PHLPP2: variants seen among roughly 807,000 people sequenced by gnomAD.
PHLPP2 encodes the protein PH domain and leucine rich repeat protein phosphatase 2, also known as PH domain leucine-rich repeat-containing protein phosphatase 2.
In PHLPP2, 66 loss-of-function variants were observed where a neutral mutation model predicts 124.9. The ratio of observed to expected loss-of-function variants is 0.53; its 90% CI spans 0.43 to 0.65. The LOEUF (loss-of-function observed/expected upper bound fraction) is 0.65, where lower values mean the gene tolerates loss of function less well. PHLPP2 is among the 30% of genes least tolerant of loss of function. The probability of loss-of-function intolerance (pLI) is 0.00; values close to 1 mark genes in which losing one functional copy is unlikely to be tolerated. For synonymous variants in PHLPP2, 681 were observed against 624.7 expected (o/e 1.09, Z -1.34); for missense variants, 1,685 against 1,600.4 (o/e 1.05, Z -0.90).
At chr16:71,694,983 C>G (rs2045154414) in intron 3 of PHLPP2, among the ~76,000 whole-genome samples, 1 of 152,014 alleles carries the variant, frequency 6.6e-6, no homozygotes, top group South Asian at 2.1e-4. Flanking sequence ...GACAAGGGTT[C>G]ACTGTGTTAG....
intron 1 of PHLPP2, among the ~76,000 whole-genome samples, chr16:71,721,710 A>G (rs1410868951): frequency 6.6e-6 from 1 of 152,180 alleles, no homozygotes; most frequent in Non-Finnish European, 1.5e-5. Flanking sequence ...CACCGACATT[A>G]GCTGTAACTT....
chr16:71,649,832 A>T lies in PHLPP2; in HGVS notation c.3030T>A (p.Ala1010=). 6.2e-7 allele frequency: 1 copy of T among 1,614,214 alleles called. No individual in the cohort carries two copies. Among genetic ancestry groups the T allele is most frequent in the East Asian group, 2.2e-5 (1 of 44,894 alleles). Residue 1010 remains alanine, a synonymous_variant, in exon 19 of 19, where the codon GCT becomes GCA. Coordinates refer to ENST00000568954, the MANE Select transcript of PHLPP2 (RefSeq NM_015020.3). The part of the protein sequence containing the change: ...VRHVQDPLAA[A]KKLCTLAQSY... ...TCTGCGCTAATGTGCACAGCTTCTT[A>T]GCAGCTGCTAATGGGTCTTGTACGT...
chr16:71,655,043 CAG>C (rs2044730305), intron 17 of PHLPP2, 195 bp downstream of exon 17: 1 of 519,482 alleles, frequency 1.9e-6, no homozygotes, highest in Non-Finnish European at 3.4e-6. Flanking sequence ...ACAGAGAAAA[CAG>C]ATGACCCCCA....
At chr16:71,719,551 T>G (rs1345611957) in intron 1 of PHLPP2, among the ~76,000 whole-genome samples, 1 of 152,132 alleles carries the variant, frequency 6.6e-6, no homozygotes, top group Admixed American at 6.6e-5. Context: ...AAAAAGTATC[T>G]TTTTTAATTT....
intron 3 of PHLPP2, chr16:71,698,504 T>C: frequency 1.3e-6 from 1 of 744,288 alleles, no homozygotes; most frequent in Admixed American, 1.7e-5. Context: ...GCACCTCGCA[T>C]ACCTGTTTGG....
At position 71,667,286 on chromosome 16, in the gene PHLPP2, T is replaced by C. The variant is rs777645877; in HGVS notation, c.1676A>G (p.His559Arg). Residue 559 changes from histidine (H) to arginine (R), a missense_variant, in exon 12 of 19, where the codon CAT becomes CGT. Coordinates refer to ENST00000568954, the MANE Select transcript of PHLPP2 (RefSeq NM_015020.3). Reference sequence around the variant, plus strand: ...TACCAGTGTTGGAAGGTTTTGCACATGATTGTGTCCCAGCATCAGTTTTCT... The same window carrying C: ...TACCAGTGTTGGAAGGTTTTGCACACGATTGTGTCCCAGCATCAGTTTTCT... The part of the protein sequence containing the change: ...SLRKLMLGHN[H>R]VQNLPTLVEH... 1.2e-6 allele frequency: 2 copies of C among 1,613,718 alleles called. No homozygotes were observed. The highest frequency in any genetic ancestry group is 1.7e-6 in the Non-Finnish European group (2 of 1,179,772).
At chr16:71,659,452 T>C (rs2044770441) in intron 13 of PHLPP2, among the ~76,000 whole-genome samples, 1 of 152,142 alleles carries the variant, frequency 6.6e-6, no homozygotes, top group Admixed American at 6.5e-5. Context: ...GGTTTCTCCA[T>C]GTTGGCCAGG....
intron 2 of PHLPP2, among the ~76,000 whole-genome samples, chr16:71,711,440 T>C (rs1395935034): frequency 6.6e-6 from 1 of 152,028 alleles, no homozygotes; most frequent in Non-Finnish European, 1.5e-5. Context: ...TATGTGGGAT[T>C]GAAAAAAGAT....
intron 3 of PHLPP2, among the ~76,000 whole-genome samples, chr16:71,695,293 A>G (rs2045158588): frequency 6.6e-6 from 1 of 152,232 alleles, no homozygotes; most frequent in Non-Finnish European, 1.5e-5. Flanking sequence ...ATAAAGAGAT[A>G]ATTTTACTAA....
At position 71,690,656 on chromosome 16, in the gene PHLPP2, T is replaced by A; in HGVS notation, c.472A>T (p.Asn158Tyr). Residue 158 changes from asparagine to tyrosine, a missense_variant, in exon 4 of 19, where the codon AAT becomes TAT. Coordinates refer to ENST00000568954, the MANE Select transcript of PHLPP2 (RefSeq NM_015020.3). The stretch of plus-strand genomic sequence containing the variant: ...AGCTGGGTCTTTCCCTTGCGTACAT[T>A]ATAGATGCCAGACAATAGGATTCGA... ...LDRILLSGIY[N>Y]VRKGKTQLHK... The A allele has an allele frequency of 6.2e-7, 1 of 1,613,904 alleles. No homozygotes were observed. The highest frequency in any genetic ancestry group is 8.5e-7 in the Non-Finnish European group (1 of 1,179,814).
At chr16:71,713,387 T>C (rs1219387806) in intron 2 of PHLPP2, among the ~76,000 whole-genome samples, 3 of 152,200 alleles carry the variant, frequency 2.0e-5, no homozygotes, top group Non-Finnish European at 2.9e-5. Context: ...CTGATGGAAA[T>C]ATAACCTCTA....
chr16:71,654,478 C>T (rs2044725538), intron 17 of PHLPP2, among the ~76,000 whole-genome samples: 1 of 152,144 alleles, frequency 6.6e-6, no homozygotes, highest in Non-Finnish European at 1.5e-5. Context: ...GGGCTAGTGA[C>T]ATGTGGTACG....
Position 71,648,958 on chromosome 16 carries a change from G to C in PHLPP2, c.3904C>G (p.Arg1302Gly). The change falls in exon 19 of 19, where the codon CGG (arginine) becomes GGG (glycine). Residue 1302 changes from arginine (R) to glycine (G), a missense_variant. By Grantham distance (125) the Arg-to-Gly change is moderately radical. Transcript: ENST00000568954. ...KEQMKQHQDS[R>G]LEPEPHEEDR... ...TCTTCATGGGGCTCAGGCTCGAGCCGGCTGTCCTGGTGCTGTTTCATTTGT... is the reference window on the plus strand; with the variant it reads ...TCTTCATGGGGCTCAGGCTCGAGCCCGCTGTCCTGGTGCTGTTTCATTTGT... The C allele has an allele frequency of 1.2e-6, 2 of 1,613,838 alleles. No homozygotes were observed. The highest frequency in any genetic ancestry group is 1.7e-6 in the Non-Finnish European group (2 of 1,180,010).
rs1028737075 is a variant in PHLPP2, at chr16:71,645,886, T to G, written c.*3004A>C. On this transcript the variant is annotated 3_prime_UTR_variant, in exon 19 of 19. Coordinates refer to ENST00000568954, the MANE Select transcript of PHLPP2 (RefSeq NM_015020.3). ...ATATTCAAATATCCTTCCAATCCATTTGGACAAAAATACACCATGGCTGCC... is the reference window on the plus strand; with the variant it reads ...ATATTCAAATATCCTTCCAATCCATGTGGACAAAAATACACCATGGCTGCC... The G allele has an allele frequency of 6.6e-6, 1 of 152,466 alleles. No individual in the cohort carries two copies. The highest frequency in any genetic ancestry group is 1.5e-5 in the Non-Finnish European group (1 of 68,032). The allele number at this position is 152,466 out of a possible 1,614,324, so 9.4% of individuals were successfully genotyped here.
intron 3 of PHLPP2, among the ~76,000 whole-genome samples, chr16:71,700,768 G>A (rs1246066751): frequency 6.6e-6 from 1 of 151,986 alleles, no homozygotes; most frequent in Non-Finnish European, 1.5e-5. Flanking sequence ...CTTGTGATCT[G>A]CCCGCCTCAG....
At chr16:71,674,946 G>A (rs1037982338) in intron 9 of PHLPP2, among the ~76,000 whole-genome samples, 2 of 152,174 alleles carry the variant, frequency 1.3e-5, no homozygotes, top group Admixed American at 6.5e-5. Flanking sequence ...GCAGTGAGCT[G>A]AGACCAGGCA....
chr16:71,719,274 C>A lies in PHLPP2; in HGVS notation c.-6-4473G>T, dbSNP rs182808115. Among the ~76,000 whole-genome samples the A allele has an allele frequency of 6.6e-5, 10 of 152,334 alleles. 1 individual carries two copies. The East Asian group carries it at 1.7e-3, about 26-fold the overall frequency. On this transcript the variant is annotated intron_variant, in intron 1 of 18. Transcript: ENST00000568954. ...TTCTAGCCGGGCGCAGTGGCTCATG[C>A]CTGTAATCCCAGCACTTTGGGAGGC...
intron 10 of PHLPP2, among the ~76,000 whole-genome samples, chr16:71,671,662 C>T (rs1325899186): frequency 6.6e-6 from 1 of 151,734 alleles, no homozygotes; most frequent in Non-Finnish European, 1.5e-5. Context: ...CGCCTGTAAT[C>T]CCAGCACTTT....
intron 3 of PHLPP2, among the ~76,000 whole-genome samples, chr16:71,694,113 G>A (rs2045142776): frequency 6.6e-6 from 1 of 152,106 alleles, no homozygotes; most frequent in Admixed American, 6.5e-5. Context: ...AGAATCGATT[G>A]CACCAGGGAG....
Sources: allele counts gnomAD v4.1 joint callset (sites outside exome capture counted in the v4.1 genomes callset), GRCh38; gene constraint gnomAD v4.1.1; transcripts MANE v1.5; gene names NCBI Gene and HGNC (gene_info 2026-07-23, HGNC 2026-07-21).